Variants in OTOF observed in about 807,000 individuals in gnomAD.
OTOF encodes the protein otoferlin.
Under a neutral mutation model 236.8 loss-of-function variants are expected in OTOF, and 218 were observed. That is an observed-to-expected ratio of 0.92 (90% CI 0.82 to 1.03). OTOF has a LOEUF of 1.03. Among genes scored for constraint, OTOF ranks in the 50% least tolerant of loss-of-function variants. The pLI is 0.00. For synonymous variants in OTOF, 1,041 were observed against 1,072.5 expected (o/e 0.97, Z 0.57); for missense variants, 2,590 against 2,694.4 (o/e 0.96, Z 0.86).
intron 1 of OTOF, among the ~76,000 whole-genome samples, chr2:26,557,754 T>G (rs1326245010): frequency 2.0e-5 from 3 of 151,832 alleles, no homozygotes; most frequent in Non-Finnish European, 1.5e-5. Context: ...GTGAGGGTGC[T>G]GCTTCTGTAG....
chr2:26,464,570 A>G (rs1051510202), intron 39 of OTOF, among the ~76,000 whole-genome samples: 1 of 152,094 alleles, frequency 6.6e-6, no homozygotes, highest in Non-Finnish European at 1.5e-5. Flanking sequence ...TGGGCGAGTC[A>G]CTAGAAGTAG....
In OTOF at chr2:26,477,299, G is replaced by T; in HGVS notation, c.2407-11C>A. 1 of 1,607,314 alleles carries T rather than the reference G, an allele frequency of 6.2e-7. No homozygotes were observed. ...CTGCCCCATGTTTTCCTGCGAAGGAGGGGGTGTCAGTGAACCCAGCAACTG... is the reference window on the plus strand; with the variant it reads ...CTGCCCCATGTTTTCCTGCGAAGGATGGGGTGTCAGTGAACCCAGCAACTG... On this transcript the variant is annotated splice_polypyrimidine_tract_variant and intron_variant, in intron 20 of 46. Transcript: ENST00000272371. This position sits in a 1 kb window ranked among gnomAD's most constrained non-coding sequence, Gnocchi z 4.7.
At position 26,473,199 on chromosome 2, in the gene OTOF, G is replaced by A. The variant is rs993201496; in HGVS notation, c.3666C>T (p.Ala1222=). 9.9e-6 allele frequency: 16 copies of A among 1,613,064 alleles called. No homozygotes were observed. The highest frequency in any genetic ancestry group is 2.2e-5 in the East Asian group (1 of 44,896). Residue 1222 remains alanine, a synonymous_variant, in exon 29 of 47, where the codon GCC becomes GCT. Coordinates refer to ENST00000272371, the MANE Select transcript of OTOF (RefSeq NM_194248.3). The surrounding 1 kb of genome is among the most constrained non-coding windows in gnomAD (Gnocchi z 7.2). Reference sequence around the variant, plus strand: ...AGATGAAGCGTCGCAGGGAGCTGACGGCATGGGAGCCCACCAGTGTGTAGC... The same window carrying A: ...AGATGAAGCGTCGCAGGGAGCTGACAGCATGGGAGCCCACCAGTGTGTAGC... ...FGRYTLVGSH[A]VSSLRRFIYR... is the part of the protein sequence containing the mutation.
chr2:26,466,379 C>T, intron 36 of OTOF: 1 of 512,940 alleles, frequency 1.9e-6, no homozygotes, highest in South Asian at 2.0e-5. Flanking sequence ...CTCTGTCTCC[C>T]AGGCTGGAGT....
At chr2:26,471,256 G>T in intron 30 of OTOF, 106 bp from the exon 31 acceptor site, 1 of 1,336,296 alleles carries the variant, frequency 7.5e-7, no homozygotes, top group Non-Finnish European at 1.1e-6. Context: ...GGAAATTACT[G>T]TGTGCTGGCA....
intron 2 of OTOF, among the ~76,000 whole-genome samples, chr2:26,537,193 A>G (rs1667092022): frequency 6.6e-6 from 1 of 152,020 alleles, no homozygotes; most frequent in Non-Finnish European, 1.5e-5. Flanking sequence ...TCTGTTCCCT[A>G]TGCTTCCCCT....
At chr2:26,465,065 GT>G (rs764404268) in intron 38 of OTOF, 36 bp from the exon 39 acceptor site, 2 of 1,445,034 alleles carry the variant, frequency 1.4e-6, no homozygotes, top group East Asian at 5.0e-5. Context: ...GAGGGGCTGG[GT>G]GGGACTAAGC....
intron 5 of OTOF, among the ~76,000 whole-genome samples, chr2:26,504,265 G>T (rs1369765194): frequency 6.6e-6 from 1 of 152,220 alleles, no homozygotes; most frequent in Non-Finnish European, 1.5e-5. Flanking sequence ...GCTGGTTGGA[G>T]AGAAAGCCCG....
intron 9 of OTOF, among the ~76,000 whole-genome samples, chr2:26,491,679 C>T (rs1665844510): frequency 6.6e-6 from 1 of 152,152 alleles, no homozygotes. Context: ...GGGCCAGATG[C>T]ACACACAGGA....
At chr2:26,469,099 A>G (rs1248267099) in intron 32 of OTOF, among the ~76,000 whole-genome samples, 1 of 152,240 alleles carries the variant, frequency 6.6e-6, no homozygotes, top group African/African-American at 2.4e-5. Context: ...TACATTTTCT[A>G]CTTAAAAAAG....
chr2:26,472,256 C>G (rs1665021459), intron 30 of OTOF: 1 of 518,114 alleles, frequency 1.9e-6, no homozygotes, highest in African/African-American at 1.9e-5. Context: ...ACATCACATG[C>G]ATGCACACAC....
chr2:26,539,769 G>A (rs1667166064), intron 1 of OTOF, among the ~76,000 whole-genome samples: 1 of 152,116 alleles, frequency 6.6e-6, no homozygotes, highest in South Asian at 2.1e-4. Flanking sequence ...AAAGAAAGTG[G>A]TTATCCCTGG....
intron 3 of OTOF, among the ~76,000 whole-genome samples, chr2:26,526,953 G>A (rs775392856): frequency 1.2e-4 from 19 of 152,142 alleles, no homozygotes; most frequent in Non-Finnish European, 2.5e-4. Flanking sequence ...ATCTGCCCAA[G>A]GACCTAGGAC....
At chr2:26,482,893 G>C (rs56846135) in intron 13 of OTOF, among the ~76,000 whole-genome samples, 22 of 150,546 alleles carry the variant, frequency 1.5e-4, no homozygotes, top group Non-Finnish European at 3.1e-4. Flanking sequence ...GCATGTGTGC[G>C]TGTGTTAATG....
intron 2 of OTOF, among the ~76,000 whole-genome samples, chr2:26,535,372 G>A (rs1036855285): frequency 6.6e-6 from 1 of 152,130 alleles, no homozygotes; most frequent in Non-Finnish European, 1.5e-5. Context: ...GGCATGGCTC[G>A]GGAAGCAGCT....
Position 26,480,891 on chromosome 2 carries a change from C to T in OTOF, c.1698G>A (p.Arg566=), listed in dbSNP as rs1434134132. ...CAGCCAGGCCCAGCAGGAGCCGGGC[C>T]CGGAAGGACACACCCTCCCCCAGGC... ...NEGLGEGVSF[R]ARLLLGLAVE... The change falls in exon 15 of 47, where the codon CGG becomes CGA. Residue 566 remains arginine (R), a synonymous_variant. Coordinates refer to ENST00000272371, the MANE Select transcript of OTOF (RefSeq NM_194248.3). 3 of 1,612,996 alleles carry T rather than the reference C, an allele frequency of 1.9e-6. No individual in the cohort carries two copies. Among genetic ancestry groups the T allele is most frequent in the Non-Finnish European group, 2.5e-6 (3 of 1,179,966 alleles).
In OTOF at chr2:26,474,024, GC is replaced by G; in HGVS notation, c.3374del (p.Gly1125AlafsTer21). Reference protein sequence around the residue: ...DRGPIMPVPMGIRPVLSKYRV... With the variant: ...DRGPIMPVPMXIRPVLSKYRV... Reference sequence around the variant, plus strand: ...GGTACTTGCTGAGCACGGGCCGGATGCCCATGGGCACGGGCATGATGGGACC... The same window carrying G: ...GGTACTTGCTGAGCACGGGCCGGATGCCATGGGCACGGGCATGATGGGACC... On this transcript the variant is annotated frameshift_variant, in exon 27 of 47. Transcript: ENST00000272371. LOFTEE classifies it high-confidence loss of function. 6.2e-7 allele frequency: 1 copy of G among 1,613,020 alleles called. No individual in the cohort carries two copies. The highest frequency in any genetic ancestry group is 1.1e-5 in the South Asian group (1 of 91,090).
chr2:26,521,596 G>T (rs1666678885), intron 3 of OTOF, among the ~76,000 whole-genome samples: 1 of 152,192 alleles, frequency 6.6e-6, no homozygotes. Context: ...CAGTGATGGG[G>T]CTGTCACTGG....
intron 2 of OTOF, among the ~76,000 whole-genome samples, chr2:26,529,648 T>C (rs926646186): frequency 1.3e-5 from 2 of 152,154 alleles, no homozygotes; most frequent in East Asian, 1.9e-4. Flanking sequence ...TTGGGCACAC[T>C]GGGCCAGCAC....
Sources: allele counts gnomAD v4.1 joint callset (sites outside exome capture counted in the v4.1 genomes callset), GRCh38; gene constraint gnomAD v4.1.1; non-coding constraint Gnocchi (gnomAD v3.1); transcripts MANE v1.5; gene names NCBI Gene and HGNC (gene_info 2026-07-23, HGNC 2026-07-21).